ATF7IP: variants seen among roughly 807,000 people sequenced by gnomAD.
The protein encoded by ATF7IP is activating transcription factor 7 interacting protein.
A neutral mutation model predicts 106.4 loss-of-function variants in ATF7IP; 23 were observed. The observed-to-expected ratio is 0.22, with a 90% CI of 0.16 to 0.31. The LOEUF is 0.31. ATF7IP is among the 10% of genes least tolerant of loss of function. The pLI, the probability that ATF7IP is intolerant of heterozygous loss-of-function variation, is 1.00. For synonymous variants in ATF7IP, 542 were observed against 539.0 expected, an observed-to-expected ratio of 1.01 and a Z score of -0.08; for missense variants, 1,334 against 1,524.3, an observed-to-expected ratio of 0.88 and a Z score of 2.08.
At chr12:14,396,815 T>C (rs1216197189) in intron 1 of ATF7IP, among the ~76,000 whole-genome samples, 1 of 151,986 alleles carries the variant, frequency 6.6e-6, no homozygotes, top group Non-Finnish European at 1.5e-5. Context: ...AGATGAGGGA[T>C]AGTAGGACAG....
chr12:14,485,265 C>A (rs2094231021), intron 13 of ATF7IP, among the ~76,000 whole-genome samples: 1 of 151,900 alleles, frequency 6.6e-6, no homozygotes, highest in African/African-American at 2.4e-5. Flanking sequence ...GTAACACACC[C>A]ACATGAGGAA....
chr12:14,385,495 G>C, intron 1 of ATF7IP: 1 of 1,194,494 alleles, frequency 8.4e-7, no homozygotes, highest in African/African-American at 1.5e-5. Flanking sequence ...TGAACTTAGA[G>C]CTTGGTTTTT....
chr12:14,456,626 G>T lies in ATF7IP; in HGVS notation c.2061G>T (p.Met687Ile). 1 of 1,605,792 alleles carries T rather than the reference G, an allele frequency of 6.2e-7. No individual in the cohort carries two copies. ...TVNDVNSNNNMSYRNAGTVRQ... is the reference protein window; with the variant it reads ...TVNDVNSNNNISYRNAGTVRQ... ...ATGATGTCAACAGCAATAATAACAT[G>T]TCTTACAGGTGAGAATTCATAGTCT... The change falls in exon 7 of 15, where the codon ATG becomes ATT. Residue 687 changes from methionine (M) to isoleucine (I), a missense_variant. Met to Ile is a conservative substitution (Grantham distance 10). This residue lies in a region of ATF7IP where 171 missense variants were observed against 172.6 expected (regional missense o/e 0.99). Transcript: ENST00000261168.
intron 1 of ATF7IP, among the ~76,000 whole-genome samples, chr12:14,393,593 C>T (rs997912253): frequency 3.3e-5 from 5 of 152,034 alleles, no homozygotes; most frequent in African/African-American, 4.8e-5. Context: ...TCATTTATAG[C>T]CCCATTATCT....
intron 13 of ATF7IP, among the ~76,000 whole-genome samples, chr12:14,493,213 T>G (rs746728511): frequency 6.6e-6 from 1 of 152,196 alleles, no homozygotes; most frequent in Admixed American, 6.5e-5. Flanking sequence ...TCCAACTTTG[T>G]TCCTTCCACC....
chr12:14,381,168 C>T (rs946107067), intron 1 of ATF7IP, among the ~76,000 whole-genome samples: 3 of 152,300 alleles, frequency 2.0e-5, no homozygotes, highest in East Asian at 3.9e-4. Context: ...TGGTTCTTAA[C>T]TTGTCACCAC....
At chr12:14,416,887 A>G (rs1591819328) in intron 1 of ATF7IP, 2 of 983,778 alleles carry the variant, frequency 2.0e-6, no homozygotes, top group Non-Finnish European at 2.4e-6. Context: ...AGCTGTTGAT[A>G]TATTTTTCCT....
intron 6 of ATF7IP, among the ~76,000 whole-genome samples, chr12:14,451,612 C>A (rs573728262): frequency 6.7e-6 from 1 of 149,756 alleles, no homozygotes; most frequent in Non-Finnish European, 1.5e-5. Flanking sequence ...TCTTCTTTGA[C>A]TTGTTGGTTT....
chr12:14,437,212 A>G (rs914465910), intron 4 of ATF7IP, among the ~76,000 whole-genome samples: 1 of 152,240 alleles, frequency 6.6e-6, no homozygotes, highest in Admixed American at 6.5e-5. Flanking sequence ...AGAGAGGAAT[A>G]TTAAACTTCG....
chr12:14,492,811 T>G (rs544451197), intron 13 of ATF7IP, among the ~76,000 whole-genome samples: 157 of 152,282 alleles, frequency 1.0e-3, no homozygotes, highest in African/African-American at 3.6e-3. Flanking sequence ...TATTTAAATT[T>G]TGTAGTTGAG....
chr12:14,415,903 T>C (rs1941177793), intron 1 of ATF7IP, among the ~76,000 whole-genome samples: 1 of 152,168 alleles, frequency 6.6e-6, no homozygotes, highest in Non-Finnish European at 1.5e-5. Context: ...ATAAGGGACT[T>C]GAACATTGTC....
intron 13 of ATF7IP, among the ~76,000 whole-genome samples, chr12:14,482,916 T>C (rs1202321803): frequency 6.6e-6 from 1 of 152,222 alleles, no homozygotes; most frequent in East Asian, 1.9e-4. Context: ...CAAATACTAT[T>C]ACATAAAGTT....
At chr12:14,494,561 A>G (rs1286591386) in intron 13 of ATF7IP, among the ~76,000 whole-genome samples, 2 of 147,622 alleles carry the variant, frequency 1.4e-5, no homozygotes, top group African/African-American at 4.9e-5. Flanking sequence ...TATTAAATAT[A>G]TGTAAAATAC....
At chr12:14,405,005 T>C (rs1460964551) in intron 1 of ATF7IP, among the ~76,000 whole-genome samples, 3 of 152,194 alleles carry the variant, frequency 2.0e-5, no homozygotes, top group Non-Finnish European at 4.4e-5. Flanking sequence ...TTAATCGCTT[T>C]TAACAGCCCA....
At chr12:14,372,022 T>C (rs1047149158) in intron 1 of ATF7IP, among the ~76,000 whole-genome samples, 1 of 152,170 alleles carries the variant, frequency 6.6e-6, no homozygotes, top group African/African-American at 2.4e-5. Flanking sequence ...TGTCATTAAT[T>C]AGCTTCAGAG....
chr12:14,494,333 A>ATATATATATGTGTG (rs1234871100), intron 13 of ATF7IP, among the ~76,000 whole-genome samples: 15 of 86,002 alleles, frequency 1.7e-4, no homozygotes, highest in South Asian at 3.7e-4. Flanking sequence ...ATATATATAT[A>ATATATATATGTGTG]TGTGTGTGTG....
intron 10 of ATF7IP, among the ~76,000 whole-genome samples, chr12:14,473,880 A>G (rs939821724): frequency 5.3e-5 from 8 of 151,900 alleles, no homozygotes; most frequent in Non-Finnish European, 1.0e-4. Flanking sequence ...GTTTCTGACC[A>G]ATAGTCAGCA....
intron 1 of ATF7IP, among the ~76,000 whole-genome samples, chr12:14,417,627 ATTAAT>A (rs1370426445): frequency 6.6e-6 from 1 of 152,170 alleles, no homozygotes; most frequent in African/African-American, 2.4e-5. Flanking sequence ...CAGGTAGGAA[ATTAAT>A]TTATATTAAT....
intron 6 of ATF7IP, among the ~76,000 whole-genome samples, chr12:14,454,917 G>T (rs1003550028): frequency 2.0e-5 from 3 of 152,116 alleles, no homozygotes; most frequent in African/African-American, 4.8e-5. Flanking sequence ...AGTAGCTCAT[G>T]CCTGTAATCC....
Sources: allele counts gnomAD v4.1 joint callset (sites outside exome capture counted in the v4.1 genomes callset), GRCh38; gene constraint gnomAD v4.1.1; regional missense constraint gnomAD v4.1.1; transcripts MANE v1.5; gene names NCBI Gene and HGNC (gene_info 2026-07-23, HGNC 2026-07-21).